Variants in SYCP1 observed in about 807,000 individuals in gnomAD.
SYCP1 encodes the protein synaptonemal complex protein 1.
A neutral mutation model predicts 153.1 loss-of-function variants in SYCP1; 64 were observed. The ratio of observed to expected loss-of-function variants is 0.42; its 90% confidence interval spans 0.34 to 0.51. The LOEUF (loss-of-function observed/expected upper bound fraction) is 0.51, where lower values mean the gene tolerates loss of function less well. SYCP1 is among the 20% of genes least tolerant of loss of function. The pLI, the probability that SYCP1 is intolerant of heterozygous loss-of-function variation, is 0.06. For synonymous variants in SYCP1, 384 were observed against 341.8 expected, an observed-to-expected ratio of 1.12 and a Z score of -1.36; for missense variants, 997 against 1,049.0, an observed-to-expected ratio of 0.95 and a Z score of 0.68.
chr1:114,919,631 G>A (rs1464936092), intron 20 of SYCP1, among the ~76,000 whole-genome samples: 1 of 151,784 alleles, frequency 6.6e-6, no homozygotes, highest in Admixed American at 6.6e-5. Flanking sequence ...TCAGGTCCTG[G>A]GTTTTTCTTT....
At chr1:114,894,015 A>G (rs1666901861) in intron 15 of SYCP1, among the ~76,000 whole-genome samples, 1 of 150,580 alleles carries the variant, frequency 6.6e-6, no homozygotes, top group African/African-American at 2.4e-5. Context: ...TGTTAATGAT[A>G]GTCTCTTATT....
At chr1:114,924,178 A>G (rs1669100044) in intron 21 of SYCP1, among the ~76,000 whole-genome samples, 1 of 152,132 alleles carries the variant, frequency 6.6e-6, no homozygotes, top group Admixed American at 6.6e-5. Flanking sequence ...ATATTTGAGA[A>G]TGGAATGGGG....
chr1:114,947,816 A>C (rs1382972415), intron 27 of SYCP1, among the ~76,000 whole-genome samples: 1 of 91,634 alleles, frequency 1.1e-5, no homozygotes, highest in African/African-American at 3.3e-5. Flanking sequence ...CGTCTCAAAA[A>C]AAAAAAAAAA....
intron 27 of SYCP1, among the ~76,000 whole-genome samples, chr1:114,949,086 C>A (rs1670929743): frequency 6.6e-6 from 1 of 152,114 alleles, no homozygotes; most frequent in Non-Finnish European, 1.5e-5. Context: ...CGTGCTAGCT[C>A]CCTGAGGCTC....
intron 26 of SYCP1, among the ~76,000 whole-genome samples, chr1:114,947,035 C>A (rs1670754423): frequency 6.6e-6 from 1 of 152,166 alleles, no homozygotes; most frequent in South Asian, 2.1e-4. Context: ...AGGCATGAGC[C>A]ACTGCACCCA....
intron 2 of SYCP1, 61 bp downstream of exon 2, chr1:114,855,633 G>A: frequency 1.5e-6 from 2 of 1,297,014 alleles, no homozygotes; most frequent in Non-Finnish European, 2.2e-6. Flanking sequence ...GAAGAAAAGT[G>A]TACTTTCTTC....
chr1:114,910,044 A>G (rs1346285813), intron 16 of SYCP1: 1 of 158,462 alleles, frequency 6.3e-6, no homozygotes, highest in African/African-American at 2.4e-5. Flanking sequence ...GGTTAATAAT[A>G]TAGGACCTTT....
chr1:114,975,046 A>G (rs1672723964), intron 27 of SYCP1, among the ~76,000 whole-genome samples: 1 of 151,804 alleles, frequency 6.6e-6, no homozygotes, highest in Admixed American at 6.6e-5. Flanking sequence ...GCAATATCTC[A>G]TGTGGCTGTG....
intron 29 of SYCP1, among the ~76,000 whole-genome samples, chr1:114,983,833 T>C (rs1673324707): frequency 6.6e-6 from 1 of 152,084 alleles, no homozygotes; most frequent in African/African-American, 2.4e-5. Flanking sequence ...TTTATGGCTT[T>C]TATGGAGGAG....
intron 20 of SYCP1, among the ~76,000 whole-genome samples, chr1:114,917,017 T>C (rs907008619): frequency 7.9e-5 from 12 of 152,116 alleles, no homozygotes; most frequent in African/African-American, 2.7e-4. Context: ...AATTATACTT[T>C]TACTTTTAAA....
chr1:114,901,137 G>A (rs1473190836), intron 16 of SYCP1, among the ~76,000 whole-genome samples: 2 of 152,036 alleles, frequency 1.3e-5, no homozygotes, highest in East Asian at 3.9e-4. Flanking sequence ...CTTTTCAAAT[G>A]GGGAGAGGAA....
At chr1:114,916,735 C>A (rs1185463559) in intron 20 of SYCP1, among the ~76,000 whole-genome samples, 1 of 151,196 alleles carries the variant, frequency 6.6e-6, no homozygotes, top group South Asian at 2.1e-4. Context: ...TTTCCCTAAC[C>A]TGTTGTTTTC....
intron 28 of SYCP1, among the ~76,000 whole-genome samples, chr1:114,978,119 A>G (rs1263750424): frequency 6.6e-6 from 1 of 151,632 alleles, no homozygotes; most frequent in Non-Finnish European, 1.5e-5. Flanking sequence ...AGACTTTATT[A>G]AAAAGTATCA....
At chr1:114,918,439 G>T (rs1668651784) in intron 20 of SYCP1, among the ~76,000 whole-genome samples, 5 of 151,926 alleles carry the variant, frequency 3.3e-5, no homozygotes, top group Admixed American at 6.6e-5. Context: ...CTCTAGTTTT[G>T]TTCTTTTTGC....
intron 23 of SYCP1, among the ~76,000 whole-genome samples, chr1:114,929,157 A>G (rs1432474307): frequency 6.6e-6 from 1 of 152,146 alleles, no homozygotes; most frequent in African/African-American, 2.4e-5. Context: ...ATCACACTGG[A>G]GGTAGGATTT....
intron 23 of SYCP1, among the ~76,000 whole-genome samples, chr1:114,940,003 G>A (rs1335286019): frequency 6.6e-6 from 1 of 152,090 alleles, no homozygotes; most frequent in East Asian, 1.9e-4. Flanking sequence ...GTTAAAAACA[G>A]TAATAGCCTG....
At chr1:114,881,351 A>G (rs1191899485) in intron 12 of SYCP1, among the ~76,000 whole-genome samples, 1 of 152,050 alleles carries the variant, frequency 6.6e-6, no homozygotes, top group Non-Finnish European at 1.5e-5. Context: ...TAGTGAGAAT[A>G]TGTTTGTGAT....
chr1:114,857,462 C>A lies in SYCP1; in HGVS notation c.256C>A (p.His86Asn). Residue 86 changes from histidine (H) to asparagine (N), a missense_variant, in exon 5 of 32, where the codon CAC becomes AAC. His to Asn is a moderately conservative substitution (Grantham distance 68). Transcript: ENST00000369522. ...TTTTTAGGTTGGTAATTCTGACTGT[C>A]ACTATCAGGAAGGACTAAAAGACTC... ...VLEQVGNSDCHYQEGLKDSDL... is the reference protein window; with the variant it reads ...VLEQVGNSDCNYQEGLKDSDL... 1 of 1,599,570 alleles carries A rather than the reference C, an allele frequency of 6.3e-7. No individual in the cohort carries two copies. Among genetic ancestry groups the A allele is most frequent in the South Asian group, 1.1e-5 (1 of 87,608 alleles).
At chr1:114,855,388 G>T in intron 1 of SYCP1, 53 bp from the exon 2 acceptor site, 1 of 1,077,874 alleles carries the variant, frequency 9.3e-7, no homozygotes, top group East Asian at 2.4e-5. Context: ...GTGTATTCAT[G>T]ACACTCGGTG....
Sources: gnomAD v4.1 joint callset for allele counts (sites outside exome capture counted in the v4.1 genomes callset) on GRCh38, gnomAD v4.1.1 for gene constraint, MANE v1.5 for transcripts, NCBI Gene and HGNC (gene_info 2026-07-23, HGNC 2026-07-21) for gene names.